The following ITIH5 variants were observed in gnomAD, a reference collection of about 807,000 sequenced individuals.
The protein encoded by ITIH5 is inter-alpha-trypsin inhibitor heavy chain 5, also known as inter-alpha-trypsin inhibitor heavy chain H5.
ITIH5 carries 65 observed loss-of-function variants against 77.5 expected under a neutral mutation model. The ratio of observed to expected loss-of-function variants is 0.84; its 90% CI spans 0.69 to 1.03. The LOEUF (loss-of-function observed/expected upper bound fraction) is 1.03. Among genes scored for constraint, ITIH5 ranks in the 50% least tolerant of loss-of-function variants. The pLI, the probability that ITIH5 is intolerant of heterozygous loss-of-function variation, is 0.00. For missense variants in ITIH5, 1,208 were observed against 1,213.1 expected, an observed-to-expected ratio of 1.00 and a Z score of 0.06; for synonymous variants, 525 against 494.3, an observed-to-expected ratio of 1.06 and a Z score of -0.82.
chr10:7,614,529 C>T (rs1564261083), intron 7 of ITIH5, among the ~76,000 whole-genome samples: 1 of 152,084 alleles, frequency 6.6e-6, no homozygotes, highest in South Asian at 2.1e-4. Context: ...GTATTTTATG[C>T]ATGGCTCAAG....
Position 7,641,988 on chromosome 10 carries a change from C to A in ITIH5, c.238G>T (p.Asp80Tyr). Residue 80 changes from aspartate to tyrosine, a missense_variant, in exon 3 of 14, where the codon GAC becomes TAC. Physicochemically the swap from Asp to Tyr is radical, Grantham distance 160. Coordinates refer to ENST00000397146, the MANE Select transcript of ITIH5 (RefSeq NM_030569.7). Reference protein sequence around the residue: ...SCRMLNRASEDQDIEFQMQIP... With the variant: ...SCRMLNRASEYQDIEFQMQIP... ...TGCATCTGGAACTCAATGTCCTGGTCTTCAGAAGCTCTGTTCAGCATTCTG... is the reference window on the plus strand; with the variant it reads ...TGCATCTGGAACTCAATGTCCTGGTATTCAGAAGCTCTGTTCAGCATTCTG... 1 of 1,614,142 alleles carries A rather than the reference C, an allele frequency of 6.2e-7. No individual in the cohort carries two copies. The highest frequency in any genetic ancestry group is 8.5e-7 in the Non-Finnish European group (1 of 1,180,004).
intron 5 of ITIH5, chr10:7,620,988 A>T (rs572028628): frequency 6.6e-6 from 1 of 152,354 alleles, no homozygotes; most frequent in South Asian, 2.1e-4. Flanking sequence ...GGAACTTGCT[A>T]GAAATGCCAA....
chr10:7,633,379 T>C (rs1342692094), intron 5 of ITIH5, among the ~76,000 whole-genome samples: 3 of 142,956 alleles, frequency 2.1e-5, no homozygotes, highest in Non-Finnish European at 4.5e-5. Context: ...GGTTCAATCC[T>C]GATATATCAT....
At chr10:7,634,620 G>A (rs1833769209) in intron 5 of ITIH5, among the ~76,000 whole-genome samples, 1 of 152,134 alleles carries the variant, frequency 6.6e-6, no homozygotes, top group Non-Finnish European at 1.5e-5. Flanking sequence ...TTAGCTAACA[G>A]TCATAATTCA....
chr10:7,613,424 A>G (rs143945194), intron 7 of ITIH5, among the ~76,000 whole-genome samples: 11 of 152,278 alleles, frequency 7.2e-5, no homozygotes, highest in African/African-American at 2.6e-4. Context: ...TGGGAAACCT[A>G]CAAGTAACTT....
chr10:7,577,809 T>G (rs1347602219), intron 9 of ITIH5, among the ~76,000 whole-genome samples: 1 of 152,192 alleles, frequency 6.6e-6, no homozygotes, highest in African/African-American at 2.4e-5. Flanking sequence ...TTGAGTTTCC[T>G]TATCTAGAAA....
chr10:7,619,548 A>G, intron 5 of ITIH5: 1 of 343,396 alleles, frequency 2.9e-6, no homozygotes, highest in South Asian at 2.3e-5. Context: ...GAGACTGGGT[A>G]GTTTATACAG....
rs552109669 is a variant in ITIH5, at chr10:7,640,738, A to G, written c.401+16T>C. ...GCTAAAATGGGTTTTTAATTCCTTA[A>G]TTAACCAATACTTACCCATTTTCTT... is the stretch of plus-strand genomic sequence containing the variant. On this transcript the variant is annotated intron_variant, in intron 4 of 13. Transcript: ENST00000397146. 3.2e-6 allele frequency: 5 copies of G among 1,557,708 alleles called. No homozygotes were observed. The highest frequency in any genetic ancestry group is 3.4e-5 in the Admixed American group (2 of 59,200).
rs951377018 is a variant in ITIH5 at position 7,573,123 on chromosome 10, A to G, written c.2032+19T>C. The G allele has an allele frequency of 3.1e-6, 5 of 1,609,938 alleles. No individual in the cohort carries two copies. Among genetic ancestry groups the G allele is most frequent in the Non-Finnish European group, 4.3e-6 (5 of 1,176,450 alleles). The stretch of plus-strand genomic sequence containing the variant: ...ATCTCTTACTCTCAATCCACACACA[A>G]CCGCATCCTTTGCTTTACCTGATGT... On this transcript the variant is annotated intron_variant, in intron 11 of 13. Transcript: ENST00000397146.
At chr10:7,577,630 TGCA>T (rs1832452013) in intron 9 of ITIH5, among the ~76,000 whole-genome samples, 7 of 152,258 alleles carry the variant, frequency 4.6e-5, no homozygotes, top group Admixed American at 4.6e-4. Flanking sequence ...AACATTTGCT[TGCA>T]TTTGCTTTCC....
chr10:7,578,057 C>T (rs1336170557), intron 9 of ITIH5, among the ~76,000 whole-genome samples: 1 of 152,186 alleles, frequency 6.6e-6, no homozygotes, highest in African/African-American at 2.4e-5. Flanking sequence ...TTCTCTCTCC[C>T]TTTTTGCGGC....
At chr10:7,662,029 A>G (rs952251286) in intron 1 of ITIH5, among the ~76,000 whole-genome samples, 3 of 152,224 alleles carry the variant, frequency 2.0e-5, no homozygotes, top group Admixed American at 6.5e-5. Flanking sequence ...AGCAACTGCC[A>G]TTAGGCAAGT....
intron 12 of ITIH5, among the ~76,000 whole-genome samples, chr10:7,567,852 C>T (rs192314923): frequency 1.3e-5 from 2 of 152,242 alleles, no homozygotes; most frequent in East Asian, 3.9e-4. Context: ...GCAGCCTAGG[C>T]AACAGAGTGA....
intron 8 of ITIH5, among the ~76,000 whole-genome samples, chr10:7,582,158 G>A (rs1357488446): frequency 6.6e-6 from 1 of 152,140 alleles, no homozygotes; most frequent in African/African-American, 2.4e-5. Flanking sequence ...ACTGGCAGGG[G>A]CCACAGCACC....
intron 7 of ITIH5, among the ~76,000 whole-genome samples, chr10:7,612,714 C>G (rs1345664645): frequency 6.6e-6 from 1 of 150,694 alleles, no homozygotes; most frequent in Non-Finnish European, 1.5e-5. Context: ...TCATAGGTAC[C>G]TAGGAATTAA....
At chr10:7,629,405 G>A (rs1296990955) in intron 5 of ITIH5, among the ~76,000 whole-genome samples, 1 of 103,362 alleles carries the variant, frequency 9.7e-6, no homozygotes, top group Admixed American at 9.9e-5. Flanking sequence ...ATGTTGTAGA[G>A]TGTGTCCATG....
intron 4 of ITIH5, among the ~76,000 whole-genome samples, chr10:7,638,401 CG>C (rs1266175567): frequency 6.6e-6 from 1 of 151,974 alleles, no homozygotes; most frequent in Non-Finnish European, 1.5e-5. Context: ...AGACTGACAC[CG>C]AAACCCGCCA....
At chr10:7,563,789 G>A (rs1023260737) in intron 13 of ITIH5, among the ~76,000 whole-genome samples, 5 of 152,308 alleles carry the variant, frequency 3.3e-5, no homozygotes, top group Non-Finnish European at 7.4e-5. Context: ...GGTGGGGGTG[G>A]AAAGCAGTCA....
At chr10:7,592,637 A>G (rs555458486) in intron 7 of ITIH5, among the ~76,000 whole-genome samples, 1 of 152,346 alleles carries the variant, frequency 6.6e-6, no homozygotes, top group South Asian at 2.1e-4. Context: ...GAGGATGTGC[A>G]GGAAGCTCCA....
Sources: allele counts gnomAD v4.1 joint callset (sites outside exome capture counted in the v4.1 genomes callset), GRCh38; gene constraint gnomAD v4.1.1; transcripts MANE v1.5; gene names NCBI Gene and HGNC (gene_info 2026-07-23, HGNC 2026-07-21).